Variants in TSNAX observed in about 807,000 individuals in gnomAD.
TSNAX encodes the protein translin associated factor X, also known as translin-associated protein X.
Under a neutral mutation model 33.0 loss-of-function variants are expected in TSNAX, and 12 were observed. The ratio of observed to expected loss-of-function variants is 0.36; its 90% CI spans 0.23 to 0.59. TSNAX has a LOEUF of 0.59. Among genes scored for constraint, TSNAX ranks in the 20% least tolerant of loss-of-function variants. TSNAX has a pLI of 0.74. For missense variants in TSNAX, 267 were observed against 341.3 expected, an observed-to-expected ratio of 0.78 and a Z score of 1.72; for synonymous variants, 110 against 117.2, an observed-to-expected ratio of 0.94 and a Z score of 0.40.
chr1:231,552,316 C>A (rs1660371854), intron 4 of TSNAX, among the ~76,000 whole-genome samples: 1 of 151,944 alleles, frequency 6.6e-6, no homozygotes, highest in Non-Finnish European at 1.5e-5. Context: ...ACAAAAAAAC[C>A]CTACTCAGAC....
chr1:231,532,612 ATAT>A (rs1425675368), intron 2 of TSNAX, among the ~76,000 whole-genome samples: 1 of 152,162 alleles, frequency 6.6e-6, no homozygotes, highest in African/African-American at 2.4e-5. Context: ...GGAGGTGTTT[ATAT>A]TATTAATATA....
Position 231,540,419 on chromosome 1 carries a change from A to C in TSNAX, c.237-2062A>C, listed in dbSNP as rs147077008. On this transcript the variant is annotated intron_variant, in intron 3 of 5. Transcript: ENST00000366639. ...TTCACCTTTGACCCAAGAATAATTTAAGTATGTTATTTTGTGTCCAAATAT... is the reference window on the plus strand; with the variant it reads ...TTCACCTTTGACCCAAGAATAATTTCAGTATGTTATTTTGTGTCCAAATAT... Among the ~76,000 whole-genome samples, 984 of 152,334 alleles carry C rather than the reference A, an allele frequency of 6.5e-3. 11 individuals carry two copies. Among genetic ancestry groups the C allele is most frequent in the African/African-American group, 0.022 (909 of 41,560 alleles).
At chr1:231,552,033 C>T (rs975726134) in intron 4 of TSNAX, among the ~76,000 whole-genome samples, 5 of 151,888 alleles carry the variant, frequency 3.3e-5, no homozygotes, top group Admixed American at 6.6e-5. Flanking sequence ...CGGTGGCTTA[C>T]GCCTGTAATC....
chr1:231,556,634 C>T (rs3767752), intron 4 of TSNAX, among the ~76,000 whole-genome samples: 8,102 of 152,252 alleles, frequency 0.053, 280 homozygotes, highest in Admixed American at 0.1. Flanking sequence ...ATTCAAGGCT[C>T]AGGAAAATAT....
intron 4 of TSNAX, among the ~76,000 whole-genome samples, chr1:231,548,089 T>C (rs1365117655): frequency 6.6e-6 from 1 of 152,162 alleles, no homozygotes; most frequent in African/African-American, 2.4e-5. Flanking sequence ...CGCCTTGGCC[T>C]CCCAAAGTGC....
intron 4 of TSNAX, among the ~76,000 whole-genome samples, chr1:231,553,338 A>G (rs1395906801): frequency 6.6e-6 from 1 of 152,246 alleles, no homozygotes; most frequent in Admixed American, 6.5e-5. Context: ...TCCCTGTTAT[A>G]TGTTCTAATG....
intron 2 of TSNAX, chr1:231,535,795 A>G (rs1659126028): frequency 6.6e-6 from 1 of 152,234 alleles, no homozygotes; most frequent in Admixed American, 6.5e-5. Context: ...AAGACATGTT[A>G]GAATTGTGAA....
At chr1:231,561,378 G>A in intron 5 of TSNAX, 123 bp downstream of exon 5, 1 of 821,242 alleles carries the variant, frequency 1.2e-6, no homozygotes, top group Non-Finnish European at 1.8e-6. Flanking sequence ...GTATGGTTTT[G>A]TAGAGTCTCA....
chr1:231,545,140 CAG>C (rs1659820939), intron 4 of TSNAX, among the ~76,000 whole-genome samples: 1 of 152,128 alleles, frequency 6.6e-6, no homozygotes, highest in Non-Finnish European at 1.5e-5. Context: ...ATTTTGCTGA[CAG>C]ATATTTTATT....
At chr1:231,559,448 C>T (rs1660899294) in intron 4 of TSNAX, among the ~76,000 whole-genome samples, 2 of 152,168 alleles carry the variant, frequency 1.3e-5, no homozygotes, top group East Asian at 1.9e-4. Context: ...CCTGCCTCAG[C>T]CTCCAAAGTA....
At chr1:231,548,387 G>A (rs1156572680) in intron 4 of TSNAX, among the ~76,000 whole-genome samples, 1 of 152,152 alleles carries the variant, frequency 6.6e-6, no homozygotes, top group Admixed American at 6.5e-5. Context: ...CTTAGCTTTA[G>A]AACCTAGGAC....
Position 231,544,751 on chromosome 1 carries a change from G to T in TSNAX, c.367+2140G>T, listed in dbSNP as rs543608729. On this transcript the variant is annotated intron_variant, in intron 4 of 5. Coordinates refer to ENST00000366639, the MANE Select transcript of TSNAX (RefSeq NM_005999.3). ...AAAGCAACCTAGAAAGCTGTACATT[G>T]TCTTACAGAACAGAGAAATGGAGAG... Among the ~76,000 whole-genome samples the T allele has an allele frequency of 6.6e-5, 10 of 152,324 alleles. 1 individual carries two copies. Among genetic ancestry groups the T allele is most frequent in the Middle Eastern group, 6.8e-3 (2 of 294 alleles).
chr1:231,541,802 A>G (rs566854568), intron 3 of TSNAX, among the ~76,000 whole-genome samples: 11 of 152,282 alleles, frequency 7.2e-5, no homozygotes, highest in African/African-American at 2.6e-4. Context: ...TTCTTTTTCC[A>G]GCCTTAGGTA....
chr1:231,542,827 A>G (rs1470098688), intron 4 of TSNAX: 1 of 434,124 alleles, frequency 2.3e-6, no homozygotes, highest in East Asian at 4.1e-5. Flanking sequence ...ATTTTAATAA[A>G]GTATTTGAGA....
At position 231,566,067 on chromosome 1, in the gene TSNAX, AAT is replaced by A. The variant is rs1401331446; in HGVS notation, c.*1163_*1164del. The A allele has an allele frequency of 6.6e-6, 1 of 152,280 alleles. No homozygotes were observed. The highest frequency in any genetic ancestry group is 1.5e-5 in the Non-Finnish European group (1 of 67,994). 9.4% of individuals were successfully genotyped at this position (152,280 alleles called of 1,614,324 possible). A position where few individuals can be genotyped will look rare whatever the true frequency, so the allele number is the denominator to read the frequency against. On this transcript the variant is annotated 3_prime_UTR_variant, in exon 6 of 6. Coordinates refer to ENST00000366639, the MANE Select transcript of TSNAX (RefSeq NM_005999.3). Reference sequence around the variant, plus strand: ...TTTCCTATTCTAGCATTTAAATTTAAATTTTATTAAAATTAAATAATTTAAAT... The same window carrying A: ...TTTCCTATTCTAGCATTTAAATTTAATTTATTAAAATTAAATAATTTAAAT...
chr1:231,542,370 G>T (rs1167369654), intron 3 of TSNAX, 111 bp from the exon 4 acceptor site: 2 of 1,087,946 alleles, frequency 1.8e-6, no homozygotes, highest in East Asian at 2.5e-5. Context: ...TTTTGAGTTA[G>T]AAGTATATGA....
intron 4 of TSNAX, among the ~76,000 whole-genome samples, chr1:231,560,563 T>C (rs1304450629): frequency 2.7e-5 from 4 of 150,874 alleles, no homozygotes; most frequent in Non-Finnish European, 5.9e-5. Context: ...TACGGGCTCC[T>C]GCCACCACAC....
chr1:231,535,279 G>C (rs560968798), intron 2 of TSNAX: 1 of 152,266 alleles, frequency 6.6e-6, no homozygotes, highest in South Asian at 2.1e-4. Context: ...TGTAAGTATA[G>C]CTTTGTGTTC....
chr1:231,542,259 A>T (rs1300819716), intron 3 of TSNAX, among the ~76,000 whole-genome samples: 2 of 152,054 alleles, frequency 1.3e-5, no homozygotes, highest in Non-Finnish European at 2.9e-5. Context: ...TATGAACAAA[A>T]TTTTTCTTAT....
Sources: gnomAD v4.1 joint callset for allele counts (sites outside exome capture counted in the v4.1 genomes callset) on GRCh38, gnomAD v4.1.1 for gene constraint, MANE v1.5 for transcripts, NCBI Gene and HGNC (gene_info 2026-07-23, HGNC 2026-07-21) for gene names.